Variants in ADRA1A observed in about 807,000 individuals in gnomAD.
ADRA1A encodes adrenoceptor alpha 1A.
ADRA1A carries 31 observed loss-of-function variants against 29.6 expected under a neutral mutation model. That is an observed-to-expected ratio of 1.05 (90% CI 0.79 to 1.41). The LOEUF (loss-of-function observed/expected upper bound fraction) is 1.41. ADRA1A is among the 40% of genes most tolerant of loss of function. The probability of loss-of-function intolerance (pLI) is 0.00; values close to 1 mark genes in which losing one functional copy is unlikely to be tolerated. For synonymous variants in ADRA1A, 311 were observed against 254.3 expected (o/e 1.22, Z -2.12); for missense variants, 619 against 601.1 (o/e 1.03, Z -0.31).
chr8:26,797,674 C>T (rs1432441236), intron 2 of ADRA1A, among the ~76,000 whole-genome samples: 1 of 152,060 alleles, frequency 6.6e-6, no homozygotes, highest in Non-Finnish European at 1.5e-5. Flanking sequence ...TAAATATCAA[C>T]AGAGTCTACA....
At chr8:26,849,647 C>T (rs538590470) in intron 2 of ADRA1A, among the ~76,000 whole-genome samples, 12 of 152,252 alleles carry the variant, frequency 7.9e-5, no homozygotes, top group African/African-American at 2.9e-4. Flanking sequence ...AAACAAAGCC[C>T]ATTTCAAATT....
chr8:26,823,895 C>T lies in ADRA1A; in HGVS notation c.883+40192G>A, dbSNP rs967005117. Among the ~76,000 whole-genome samples the T allele has an allele frequency of 6.6e-6, 1 of 152,176 alleles. No homozygotes were observed. The highest frequency in any genetic ancestry group is 2.4e-5 in the African/African-American group (1 of 41,434). The stretch of plus-strand genomic sequence containing the variant: ...CAGAATTGGAAATGAAATCTTCATA[C>T]TCCAAGCCTTTCTTTGGGTCTTTGT... On this transcript the variant is annotated intron_variant, in intron 2 of 2. Transcript: ENST00000380573. The surrounding 1 kb of genome is among the most constrained non-coding windows in gnomAD (Gnocchi z 4.2).
rs1812344035 is a variant in ADRA1A at position 26,848,062 on chromosome 8, G to A, written c.883+16025C>T. 1.3e-5 allele frequency among the ~76,000 whole-genome samples: 2 copies of A among 152,326 alleles called. No homozygotes were observed. The highest frequency in any genetic ancestry group is 4.1e-4 in the South Asian group (2 of 4,828). On this transcript the variant is annotated intron_variant, in intron 2 of 2. Coordinates refer to ENST00000380573, the MANE Select transcript of ADRA1A (RefSeq NM_000680.4). This position sits in a 1 kb window ranked among gnomAD's most constrained non-coding sequence, Gnocchi z 4.3. ...AGGACACCAGAGTGCAGAGCAAAGGGCAGGACCACGTGTGATTCCAGGGCT... is the reference window on the plus strand; with the variant it reads ...AGGACACCAGAGTGCAGAGCAAAGGACAGGACCACGTGTGATTCCAGGGCT...
intron 2 of ADRA1A, among the ~76,000 whole-genome samples, chr8:26,810,835 T>C (rs1267561416): frequency 2.0e-5 from 3 of 152,150 alleles, no homozygotes; most frequent in Admixed American, 6.5e-5. Flanking sequence ...CGAAATAGTT[T>C]GTAAGTAAAA....
intron 2 of ADRA1A, among the ~76,000 whole-genome samples, chr8:26,808,712 A>T (rs1238397832): frequency 6.6e-6 from 1 of 152,210 alleles, no homozygotes; most frequent in East Asian, 1.9e-4. Flanking sequence ...AAGATAAGAA[A>T]CTTCAGTTGC....
Position 26,787,025 on chromosome 8 carries a change from T to A in ADRA1A, c.884-16359A>T, listed in dbSNP as rs1326219635. Reference sequence around the variant, plus strand: ...AATTCTCCCAAGAACATGATGTGACTGTATTACCAACCTCATCTTACAGAT... The same window carrying A: ...AATTCTCCCAAGAACATGATGTGACAGTATTACCAACCTCATCTTACAGAT... On this transcript the variant is annotated intron_variant, in intron 2 of 2. Transcript: ENST00000380573. This position sits in a 1 kb window ranked among gnomAD's most constrained non-coding sequence, Gnocchi z 4.2. 6.6e-6 allele frequency among the ~76,000 whole-genome samples: 1 copy of A among 152,206 alleles called. No individual in the cohort carries two copies. The highest frequency in any genetic ancestry group is 6.5e-5 in the Admixed American group (1 of 15,276).
At chr8:26,858,930 C>T (rs910092976) in intron 2 of ADRA1A, 3 of 664,524 alleles carry the variant, frequency 4.5e-6, no homozygotes, top group African/African-American at 3.8e-5. Context: ...CTATTCAATG[C>T]AGCAAGCAAC....
chr8:26,866,794 G>A lies in ADRA1A; in HGVS notation c.-687+142C>T, dbSNP rs1364826899. 1.4e-6 allele frequency: 1 copy of A among 719,356 alleles called. No homozygotes were observed. The highest frequency in any genetic ancestry group is 1.7e-6 in the Non-Finnish European group (1 of 586,072). The allele number at this position is 719,356 out of a possible 1,614,324, so 44.6% of individuals were successfully genotyped here. ...TCGCAGAAGATGTAAGGGAATCGGG[G>A]GTGGGGTAGAGGGGCCGGTATAAAA... On this transcript the variant is annotated intron_variant, in intron 1 of 2. Coordinates refer to ENST00000380573, the MANE Select transcript of ADRA1A (RefSeq NM_000680.4). This position sits in a 1 kb window ranked among gnomAD's most constrained non-coding sequence, Gnocchi z 5.7.
chr8:26,794,824 T>C (rs796683309), intron 2 of ADRA1A, among the ~76,000 whole-genome samples: 6 of 152,084 alleles, frequency 3.9e-5, no homozygotes, highest in African/African-American at 1.4e-4. Flanking sequence ...AAGAATATTA[T>C]TATGAACAAG....
intron 2 of ADRA1A, among the ~76,000 whole-genome samples, chr8:26,785,788 A>G (rs2130384357): frequency 6.6e-6 from 1 of 152,280 alleles, no homozygotes. Context: ...AGTCTGCTTG[A>G]TTCTGGCATT....
chr8:26,762,388 C>T (rs1452995006), downstream of ADRA1A, among the ~76,000 whole-genome samples: 1 of 152,138 alleles, frequency 6.6e-6, no homozygotes, highest in Non-Finnish European at 1.5e-5. This position sits in a 1 kb window ranked among gnomAD's most constrained non-coding sequence, Gnocchi z 4.0. Flanking sequence ...CCTGGGCTCT[C>T]TGGAAGCTGT....
intron 2 of ADRA1A, among the ~76,000 whole-genome samples, chr8:26,840,650 A>T (rs1811754464): frequency 6.6e-6 from 1 of 152,004 alleles, no homozygotes; most frequent in African/African-American, 2.4e-5. Flanking sequence ...TCAGATTGGA[A>T]TTATTACCTT....
intron 2 of ADRA1A, among the ~76,000 whole-genome samples, chr8:26,794,044 A>G (rs1808013652): frequency 1.3e-5 from 2 of 152,084 alleles, no homozygotes. Flanking sequence ...AATGAAGTTG[A>G]AATACAATGA....
intron 2 of ADRA1A, among the ~76,000 whole-genome samples, chr8:26,844,372 A>G (rs1812049029): frequency 6.6e-6 from 1 of 152,046 alleles, no homozygotes; most frequent in Non-Finnish European, 1.5e-5. Flanking sequence ...ATTCTACATC[A>G]TTTTCTTTAA....
chr8:26,788,707 A>G (rs1279441299), intron 2 of ADRA1A, among the ~76,000 whole-genome samples: 1 of 152,152 alleles, frequency 6.6e-6, no homozygotes, highest in African/African-American at 2.4e-5. Context: ...CCAAAAAACA[A>G]TCAGCCAATA....
At chr8:26,800,414 A>C (rs1808490017) in intron 2 of ADRA1A, among the ~76,000 whole-genome samples, 1 of 152,192 alleles carries the variant, frequency 6.6e-6, no homozygotes, top group Admixed American at 6.5e-5. Context: ...TCAATGGAGG[A>C]AGGTAGCTCA....
chr8:26,824,964 C>G (rs1363881606), intron 2 of ADRA1A, among the ~76,000 whole-genome samples: 1 of 152,186 alleles, frequency 6.6e-6, no homozygotes, highest in Non-Finnish European at 1.5e-5. Flanking sequence ...GCTTCCTTCT[C>G]TGATTGAACA....
chr8:26,858,778 G>A (rs1219942766), intron 2 of ADRA1A, among the ~76,000 whole-genome samples: 3 of 152,182 alleles, frequency 2.0e-5, no homozygotes, highest in African/African-American at 7.2e-5. Context: ...AAGTATAAAT[G>A]ACTGTTAACA....
chr8:26,758,801 G>A (rs76187508), intron 2 of ADRA1A, among the ~76,000 whole-genome samples: 1,998 of 152,254 alleles, frequency 0.013, 19 homozygotes, highest in Middle Eastern at 0.017. Context: ...ACAAGAGAGC[G>A]CAGCTCTTTC....
Sources: gnomAD v4.1 joint callset for allele counts (sites outside exome capture counted in the v4.1 genomes callset) on GRCh38, gnomAD v4.1.1 for gene constraint, Gnocchi (gnomAD v3.1) non-coding constraint, MANE v1.5 for transcripts, NCBI Gene and HGNC (gene_info 2026-07-23, HGNC 2026-07-21) for gene names.